Variants in FNBP1L observed in about 807,000 individuals in gnomAD.
The protein encoded by FNBP1L is formin binding protein 1 like, also known as formin-binding protein 1-like.
Under a neutral mutation model 91.2 loss-of-function variants are expected in FNBP1L, and 36 were observed. The ratio of observed to expected loss-of-function variants is 0.39; its 90% CI spans 0.30 to 0.52. The LOEUF is 0.52. Among genes scored for constraint, FNBP1L ranks in the 20% least tolerant of loss-of-function variants. FNBP1L has a pLI of 0.66. For synonymous variants in FNBP1L, 242 were observed against 237.0 expected, an observed-to-expected ratio of 1.02 and a Z score of -0.19; for missense variants, 571 against 732.1, an observed-to-expected ratio of 0.78 and a Z score of 2.54.
rs1480168550 is a variant in FNBP1L, at chr1:93,448,144, A to G, written c.-138A>G. On this transcript the variant is annotated 5_prime_UTR_variant, in exon 1 of 17. Transcript: ENST00000271234. ...GTCGCGTCTTTCTCACTCACTGGGG[A>G]GCCCGGCGGTGGCGGCACCTTTCGA... 2 of 1,086,144 alleles carry G rather than the reference A, an allele frequency of 1.8e-6. No homozygotes were observed. The highest frequency in any genetic ancestry group is 2.6e-6 in the Non-Finnish European group (2 of 768,732). 67.3% of individuals were successfully genotyped at this position (1,086,144 alleles called of 1,614,324 possible).
intron 2 of FNBP1L, among the ~76,000 whole-genome samples, chr1:93,512,729 A>C (rs1429434235): frequency 6.6e-6 from 1 of 152,002 alleles, no homozygotes; most frequent in Non-Finnish European, 1.5e-5. Flanking sequence ...ACCAACGAGA[A>C]CAAAGACACA....
intron 1 of FNBP1L, among the ~76,000 whole-genome samples, chr1:93,477,109 C>T (rs1278848603): frequency 6.6e-6 from 1 of 152,130 alleles, no homozygotes; most frequent in Admixed American, 6.5e-5. Flanking sequence ...GAAAAGATCA[C>T]TTTAACTACA....
intron 2 of FNBP1L, among the ~76,000 whole-genome samples, chr1:93,518,926 A>G (rs1310516782): frequency 6.6e-6 from 1 of 152,202 alleles, no homozygotes; most frequent in Non-Finnish European, 1.5e-5. Flanking sequence ...TGCCTATTCT[A>G]GTGAATTATT....
chr1:93,470,437 A>T (rs1669245498), intron 1 of FNBP1L, among the ~76,000 whole-genome samples: 2 of 152,174 alleles, frequency 1.3e-5, no homozygotes, highest in Non-Finnish European at 2.9e-5. Flanking sequence ...CTTGTCTGTT[A>T]CTTTTTAAAA....
intron 1 of FNBP1L, among the ~76,000 whole-genome samples, chr1:93,484,928 G>T (rs1669846229): frequency 6.6e-6 from 1 of 152,152 alleles, no homozygotes; most frequent in Admixed American, 6.5e-5. Context: ...CAAGGTGGGA[G>T]GATCCCTTGA....
intron 14 of FNBP1L, 138 bp downstream of exon 14, chr1:93,547,579 T>C: frequency 1.5e-6 from 1 of 674,546 alleles, no homozygotes; most frequent in Non-Finnish European, 2.5e-6. Context: ...TGAACCTAAG[T>C]AATTTTCTTT....
intron 2 of FNBP1L, among the ~76,000 whole-genome samples, chr1:93,516,261 G>C (rs1390956521): frequency 6.6e-6 from 1 of 152,130 alleles, no homozygotes; most frequent in Admixed American, 6.5e-5. Context: ...AAATGGAAGT[G>C]AGAAAACATC....
chr1:93,449,261 G>T (rs1193274671), intron 1 of FNBP1L, among the ~76,000 whole-genome samples: 1 of 149,454 alleles, frequency 6.7e-6, no homozygotes, highest in Non-Finnish European at 1.5e-5. Flanking sequence ...AGGTGTGGAG[G>T]GCAGTGATTT....
intron 1 of FNBP1L, among the ~76,000 whole-genome samples, chr1:93,467,103 C>T (rs529374009): frequency 5.3e-5 from 8 of 152,168 alleles, no homozygotes; most frequent in South Asian, 2.1e-4. Context: ...GTTATCCACC[C>T]GCCTTGGCCT....
At chr1:93,526,773 A>G (rs899189178) in intron 5 of FNBP1L, among the ~76,000 whole-genome samples, 1 of 152,174 alleles carries the variant, frequency 6.6e-6, no homozygotes, top group South Asian at 2.1e-4. Flanking sequence ...TCAGGGAAGG[A>G]GCATTTTTAA....
chr1:93,514,517 A>G (rs1031853263), intron 2 of FNBP1L, among the ~76,000 whole-genome samples: 3 of 152,154 alleles, frequency 2.0e-5, no homozygotes, highest in Admixed American at 6.5e-5. Flanking sequence ...ACTTCAAACT[A>G]TACTACAAGG....
intron 1 of FNBP1L, among the ~76,000 whole-genome samples, chr1:93,489,269 G>A (rs1166259473): frequency 1.3e-5 from 2 of 151,940 alleles, no homozygotes; most frequent in Non-Finnish European, 2.9e-5. Context: ...GTATAAAGGT[G>A]GATATGACGA....
chr1:93,534,786 A>T lies in FNBP1L; in HGVS notation c.868A>T (p.Ile290Leu). The part of the protein sequence containing the change: ...DFPFEDYSQH[I>L]YRTISDGTIS... The stretch of plus-strand genomic sequence containing the variant: ...TCCATTTGAAGATTACAGTCAACAT[A>T]TATATAGAACCATTTCTGATGGGAC... The change falls in exon 9 of 17, where the codon ATA becomes TTA. Residue 290 changes from isoleucine (I) to leucine (L), a missense_variant. Physicochemically the swap from Ile to Leu is conservative, Grantham distance 5 (BLOSUM62 2). Transcript: ENST00000271234. The T allele has an allele frequency of 6.4e-7, 1 of 1,571,008 alleles. No homozygotes were observed. Among genetic ancestry groups the T allele is most frequent in the Non-Finnish European group, 8.6e-7 (1 of 1,156,232 alleles).
chr1:93,502,146 A>G (rs1439625482), intron 2 of FNBP1L, among the ~76,000 whole-genome samples: 3 of 152,202 alleles, frequency 2.0e-5, no homozygotes, highest in Non-Finnish European at 4.4e-5. Context: ...GTGTTTGTAT[A>G]TACAGTTACA....
chr1:93,545,697 CT>C (rs757182226), intron 12 of FNBP1L, among the ~76,000 whole-genome samples: 33 of 151,884 alleles, frequency 2.2e-4, no homozygotes, highest in Non-Finnish European at 3.7e-4. Flanking sequence ...AGGTAGAAGC[CT>C]TTAACAATCC....
chr1:93,483,192 A>AAG (rs1669775999), intron 1 of FNBP1L, among the ~76,000 whole-genome samples: 1 of 416 alleles, frequency 2.4e-3, no homozygotes, highest in Non-Finnish European at 0.028. Context: ...CCTGTCTCGA[A>AAG]AAAAAAAAAA....
At chr1:93,454,359 G>C (rs1377551661) in intron 1 of FNBP1L, among the ~76,000 whole-genome samples, 1 of 141,612 alleles carries the variant, frequency 7.1e-6, no homozygotes, top group African/African-American at 2.5e-5. Flanking sequence ...TGTGTGTGTA[G>C]TTACACATTT....
chr1:93,497,093 G>T (rs1040199304), intron 1 of FNBP1L, among the ~76,000 whole-genome samples: 6 of 152,056 alleles, frequency 3.9e-5, no homozygotes, highest in Non-Finnish European at 8.8e-5. Context: ...CCAAATAGCT[G>T]GGACTACAGG....
At chr1:93,518,015 A>G (rs1280665517) in intron 2 of FNBP1L, among the ~76,000 whole-genome samples, 1 of 152,180 alleles carries the variant, frequency 6.6e-6, no homozygotes, top group Non-Finnish European at 1.5e-5. Flanking sequence ...CAAGTAATAC[A>G]TGGATGACAA....
Sources: allele counts gnomAD v4.1 joint callset (sites outside exome capture counted in the v4.1 genomes callset), GRCh38; gene constraint gnomAD v4.1.1; transcripts MANE v1.5; gene names NCBI Gene and HGNC (gene_info 2026-07-23, HGNC 2026-07-21).